EML6: variants seen among roughly 807,000 people sequenced by gnomAD.
EML6 encodes the protein EMAP like 6.
A neutral mutation model predicts 240.1 loss-of-function variants in EML6; 154 were observed. The observed-to-expected ratio is 0.64, with a 90% CI of 0.56 to 0.73. The LOEUF is 0.73. Among genes scored for constraint, EML6 ranks in the 30% least tolerant of loss-of-function variants. The pLI, the probability that EML6 is intolerant of heterozygous loss-of-function variation, is 0.00. For missense variants in EML6, 2,964 were observed against 2,474.6 expected (o/e 1.20, Z -4.20); for synonymous variants, 1,148 against 899.0 (o/e 1.28, Z -4.95).
chr2:54,791,651 G>A (rs1175518460), intron 2 of EML6, among the ~76,000 whole-genome samples: 1 of 152,110 alleles, frequency 6.6e-6, no homozygotes, highest in African/African-American at 2.4e-5. Flanking sequence ...TTCTCTCCAT[G>A]GCTCTGGGTA....
chr2:54,843,266 A>G (rs1272867485), intron 7 of EML6, among the ~76,000 whole-genome samples: 1 of 152,188 alleles, frequency 6.6e-6, no homozygotes, highest in African/African-American at 2.4e-5. Flanking sequence ...TTGTCTCTAG[A>G]AAGAAAAAAA....
At position 54,960,326 on chromosome 2, in the gene EML6, C is replaced by T. The variant is rs987258347; in HGVS notation, c.4960C>T (p.Arg1654Cys). 1.3e-6 allele frequency: 2 copies of T among 1,549,696 alleles called. No homozygotes were observed. The highest frequency in any genetic ancestry group is 1.2e-5 in the South Asian group (1 of 84,026). Residue 1654 changes from arginine (R) to cysteine (C), a missense_variant, in exon 35 of 42, where the codon CGT (arginine) becomes TGT (cysteine). By Grantham distance (180) the Arg-to-Cys change is radical. Coordinates refer to ENST00000356458, the MANE Select transcript of EML6 (RefSeq NM_001039753.4). ...QLVECVRSVC[R>C]GKGKILVGTK... ...GGTGGAGTGTGTGCGCTCCGTGTGC[C>T]GTGGAAAAGTGAGCACAGCCAGCTC...
At chr2:54,880,952 G>A (rs1378885149) in intron 17 of EML6, 1 of 152,076 alleles carries the variant, frequency 6.6e-6, no homozygotes, top group East Asian at 1.9e-4. Flanking sequence ...ATGGAAGAAA[G>A]AAATATTTCT....
intron 28 of EML6, among the ~76,000 whole-genome samples, chr2:54,940,564 T>C (rs183611889): frequency 1.3e-4 from 20 of 152,342 alleles, no homozygotes; most frequent in Admixed American, 9.1e-4. Flanking sequence ...TTACACTTAA[T>C]ACACAGCAAA....
intron 5 of EML6, among the ~76,000 whole-genome samples, chr2:54,827,037 G>A (rs868709135): frequency 7.4e-4 from 113 of 152,246 alleles, no homozygotes; most frequent in East Asian, 1.5e-3. Flanking sequence ...GCTGAGCTTG[G>A]TGGTGCACTC....
At chr2:54,949,751 A>C (rs1675877746) in intron 29 of EML6, among the ~76,000 whole-genome samples, 1 of 152,138 alleles carries the variant, frequency 6.6e-6, no homozygotes, top group Admixed American at 6.5e-5. Context: ...GCCACCTTCT[A>C]AGCTTACCGC....
chr2:54,835,344 A>C (rs1172014208), intron 7 of EML6, among the ~76,000 whole-genome samples: 1 of 152,208 alleles, frequency 6.6e-6, no homozygotes, highest in East Asian at 1.9e-4. Context: ...TGTGTGCTGG[A>C]GTCCTGGAAG....
At chr2:54,851,648 G>A (rs1290697547) in intron 10 of EML6, among the ~76,000 whole-genome samples, 1 of 152,166 alleles carries the variant, frequency 6.6e-6, no homozygotes, top group African/African-American at 2.4e-5. Flanking sequence ...GTATTTGGAT[G>A]TTCATGACCT....
chr2:54,944,491 C>T (rs1367868409), intron 28 of EML6, among the ~76,000 whole-genome samples: 1 of 152,162 alleles, frequency 6.6e-6, no homozygotes, highest in South Asian at 2.1e-4. Flanking sequence ...CATCATTCCT[C>T]TCTTGGATCA....
At chr2:54,818,465 C>T (rs1310423614) in intron 4 of EML6, among the ~76,000 whole-genome samples, 2 of 152,148 alleles carry the variant, frequency 1.3e-5, no homozygotes, top group Non-Finnish European at 2.9e-5. Context: ...AAAGCAAATT[C>T]GGTGCTGAAA....
chr2:54,967,573 C>A (rs1676804055), intron 39 of EML6, among the ~76,000 whole-genome samples: 1 of 152,096 alleles, frequency 6.6e-6, no homozygotes, highest in Non-Finnish European at 1.5e-5. Flanking sequence ...CCACAGGGAA[C>A]AGGGAGAGAA....
chr2:54,756,473 A>G (rs556077077), intron 2 of EML6, among the ~76,000 whole-genome samples: 12 of 152,260 alleles, frequency 7.9e-5, no homozygotes, highest in Middle Eastern at 3.4e-3. Context: ...CATGCTGTTT[A>G]TACAAGTTTG....
At chr2:54,869,651 A>G (rs1251777538) in intron 15 of EML6, among the ~76,000 whole-genome samples, 1 of 152,210 alleles carries the variant, frequency 6.6e-6, no homozygotes, top group Non-Finnish European at 1.5e-5. Flanking sequence ...GCAGCTTTAT[A>G]TACTTCCTCG....
At chr2:54,814,652 T>G (rs1222903976) in intron 3 of EML6, among the ~76,000 whole-genome samples, 5 of 152,228 alleles carry the variant, frequency 3.3e-5, no homozygotes, top group Non-Finnish European at 2.9e-5. Flanking sequence ...AAATTATTCA[T>G]AGAGGCTTAA....
At chr2:54,786,773 C>T (rs898264523) in intron 2 of EML6, among the ~76,000 whole-genome samples, 1 of 152,244 alleles carries the variant, frequency 6.6e-6, no homozygotes, top group Admixed American at 6.5e-5. Flanking sequence ...CAGCTGGTCT[C>T]TAAAGCCCAG....
Position 54,865,559 on chromosome 2 carries a change from C to T in EML6, c.1933-1207C>T, listed in dbSNP as rs547050220. ...TCCTTAATGTGAAAATCTGAATTCT[C>T]CAAAATCCAAAACTTCGTAAGTACT... On this transcript the variant is annotated intron_variant, in intron 13 of 41. Coordinates refer to ENST00000356458, the MANE Select transcript of EML6 (RefSeq NM_001039753.4). Among the ~76,000 whole-genome samples the T allele has an allele frequency of 5.3e-5, 8 of 152,288 alleles. No individual in the cohort carries two copies. The East Asian group carries it at 1.5e-3, about 29-fold the overall frequency.
chr2:54,923,367 G>GCACGCACACA (rs1553416852), intron 26 of EML6, among the ~76,000 whole-genome samples: 3 of 144,364 alleles, frequency 2.1e-5, no homozygotes, highest in African/African-American at 5.1e-5. Flanking sequence ...CTCACCAAAC[G>GCACGCACACA]CACACACACA....
chr2:54,753,822 T>C (rs552869675), intron 2 of EML6, among the ~76,000 whole-genome samples: 42 of 151,594 alleles, frequency 2.8e-4, no homozygotes, highest in African/African-American at 9.7e-4. Context: ...CAGGTGCACA[T>C]CACCATGTCT....
At chr2:54,746,792 T>C (rs1252449955) in intron 2 of EML6, among the ~76,000 whole-genome samples, 1 of 152,226 alleles carries the variant, frequency 6.6e-6, no homozygotes, top group Non-Finnish European at 1.5e-5. Context: ...GCTAGCTTTT[T>C]CTTTCTGGGT....
Sources: allele counts gnomAD v4.1 joint callset (sites outside exome capture counted in the v4.1 genomes callset), GRCh38; gene constraint gnomAD v4.1.1; transcripts MANE v1.5; gene names NCBI Gene and HGNC (gene_info 2026-07-23, HGNC 2026-07-21).